Variants in HPSE2 observed in about 807,000 individuals in gnomAD.
The protein encoded by HPSE2 is inactive heparanase-2.
HPSE2 carries 38 observed loss-of-function variants against 60.5 expected under a neutral mutation model. That is an observed-to-expected ratio of 0.63 (90% CI 0.48 to 0.82). The LOEUF (loss-of-function observed/expected upper bound fraction) is 0.82, where lower values mean the gene tolerates loss of function less well. HPSE2 is among the 40% of genes least tolerant of loss of function. The probability of loss-of-function intolerance (pLI) is 0.00; values close to 1 mark genes in which losing one functional copy is unlikely to be tolerated. For synonymous variants in HPSE2, 295 were observed against 293.2 expected, an observed-to-expected ratio of 1.01 and a Z score of -0.06; for missense variants, 713 against 740.4, an observed-to-expected ratio of 0.96 and a Z score of 0.43.
the HPSE2 span, among the ~76,000 whole-genome samples, chr10:99,299,143 C>T: frequency 1.3e-5 from 2 of 152,140 alleles, no homozygotes; most frequent in African/African-American, 4.8e-5. Flanking sequence ...AGCCTCCCCC[C>T]TCCCCTAGTT....
At chr10:99,214,129 G>A (rs1018403374) in intron 2 of HPSE2, among the ~76,000 whole-genome samples, 5 of 152,064 alleles carry the variant, frequency 3.3e-5, no homozygotes, top group Non-Finnish European at 7.4e-5. Context: ...TAGCCATCGG[G>A]GAATAAAAAT....
intron 3 of HPSE2, among the ~76,000 whole-genome samples, chr10:99,075,022 T>C (rs1464260740): frequency 6.6e-6 from 1 of 152,134 alleles, no homozygotes; most frequent in Non-Finnish European, 1.5e-5. Flanking sequence ...GTTGGTCTCT[T>C]CTATTCTCTA....
At chr10:98,935,933 C>CA (rs1013445494) in intron 3 of HPSE2, among the ~76,000 whole-genome samples, 3 of 144,866 alleles carry the variant, frequency 2.1e-5, no homozygotes, top group Non-Finnish European at 3.0e-5. Context: ...TGCTCTGTCC[C>CA]AAGGAGATGT....
At chr10:99,140,049 GT>G (rs894295064) in intron 3 of HPSE2, among the ~76,000 whole-genome samples, 1 of 152,174 alleles carries the variant, frequency 6.6e-6, no homozygotes, top group East Asian at 1.9e-4. Flanking sequence ...TTTTCAAGGT[GT>G]TTTTTTAAAC....
chr10:98,585,296 G>C (rs1944908625), intron 9 of HPSE2, among the ~76,000 whole-genome samples: 1 of 149,238 alleles, frequency 6.7e-6, no homozygotes, highest in Non-Finnish European at 1.5e-5. Flanking sequence ...TTTTGAGATG[G>C]AATCTCACTC....
At chr10:99,236,013 AT>A (rs1488962518), upstream of HPSE2, among the ~76,000 whole-genome samples, 2 of 88,518 alleles carry the variant, frequency 2.3e-5, no homozygotes, top group African/African-American at 5.5e-5. Flanking sequence ...TTTTTTTTTA[AT>A]TTTTTTTAAT....
chr10:98,553,036 T>A (rs1943906570), intron 9 of HPSE2, among the ~76,000 whole-genome samples: 1 of 152,230 alleles, frequency 6.6e-6, no homozygotes, highest in African/African-American at 2.4e-5. Context: ...TAAAGCAGGA[T>A]ATAAATTATT....
At chr10:99,288,022 C>T in the HPSE2 span, among the ~76,000 whole-genome samples, 1 of 152,114 alleles carries the variant, frequency 6.6e-6, no homozygotes, top group African/African-American at 2.4e-5. Flanking sequence ...TTGAATTTTA[C>T]AGGTAGAACT....
intron 6 of HPSE2, among the ~76,000 whole-genome samples, chr10:98,684,871 A>G (rs1947873416): frequency 1.3e-5 from 2 of 152,152 alleles, no homozygotes; most frequent in African/African-American, 4.8e-5. Context: ...GATTCCCTAT[A>G]CTTCCTACAT....
intron 3 of HPSE2, among the ~76,000 whole-genome samples, chr10:99,003,605 T>C (rs1323011412): frequency 6.6e-6 from 1 of 152,164 alleles, no homozygotes; most frequent in Non-Finnish European, 1.5e-5. Flanking sequence ...CATTTTTGTA[T>C]GCCTGTTGGC....
At chr10:99,021,632 T>C (rs138543395) in intron 3 of HPSE2, among the ~76,000 whole-genome samples, 8 of 152,214 alleles carry the variant, frequency 5.3e-5, no homozygotes, top group African/African-American at 1.9e-4. Context: ...GTTTTAAGGA[T>C]TGATTAATTG....
At chr10:99,017,216 TA>T (rs1957163077) in intron 3 of HPSE2, among the ~76,000 whole-genome samples, 2 of 152,188 alleles carry the variant, frequency 1.3e-5, no homozygotes, top group African/African-American at 4.8e-5. Flanking sequence ...ATACCTAGTT[TA>T]TTGAGTTTTT....
the HPSE2 span, among the ~76,000 whole-genome samples, chr10:99,268,588 G>C: frequency 6.6e-6 from 1 of 150,846 alleles, no homozygotes; most frequent in South Asian, 2.1e-4. Context: ...AGAGGTTGCA[G>C]TGAGCCGAGA....
At chr10:98,534,708 T>C (rs1183115310) in intron 9 of HPSE2, among the ~76,000 whole-genome samples, 1 of 152,216 alleles carries the variant, frequency 6.6e-6, no homozygotes, top group Non-Finnish European at 1.5e-5. Flanking sequence ...CCCAGCCTAT[T>C]CATTAGTTTT....
At chr10:98,810,763 A>T (rs1054015439) in intron 3 of HPSE2, among the ~76,000 whole-genome samples, 1 of 69,756 alleles carries the variant, frequency 1.4e-5, no homozygotes, top group African/African-American at 3.6e-5. Context: ...GAACTAAAAA[A>T]AAAAAATAAA....
chr10:98,601,483 A>G (rs934761718), intron 9 of HPSE2, among the ~76,000 whole-genome samples: 5 of 152,186 alleles, frequency 3.3e-5, no homozygotes, highest in Non-Finnish European at 5.9e-5. Flanking sequence ...TGAGGGATGG[A>G]TTGTTGGGAG....
At chr10:98,664,658 G>A (rs1035674629) in intron 6 of HPSE2, among the ~76,000 whole-genome samples, 3 of 152,112 alleles carry the variant, frequency 2.0e-5, no homozygotes, top group African/African-American at 7.2e-5. Flanking sequence ...TCTACTGGAT[G>A]GTAATCCAAA....
intron 3 of HPSE2, among the ~76,000 whole-genome samples, chr10:98,927,034 G>A (rs983529300): frequency 2.8e-4 from 43 of 152,116 alleles, no homozygotes; most frequent in African/African-American, 8.5e-4. Flanking sequence ...TTCCAAGTAT[G>A]TGGCCAATTT....
rs370715757 is a variant in HPSE2 at position 98,706,836 on chromosome 10, G to A, written c.957-12889C>T. The stretch of plus-strand genomic sequence containing the variant: ...ACCCTGTGTTGCCTTTATAAGTCTG[G>A]CCTTTACCCTTAACAACAAGGTACA... On this transcript the variant is annotated intron_variant, in intron 5 of 11. Transcript: ENST00000370552. 3.0e-4 allele frequency among the ~76,000 whole-genome samples: 45 copies of A among 152,188 alleles called. No individual in the cohort carries two copies. In the East Asian group the frequency reaches 6.4e-3, roughly 22 times the overall value.
Sources: allele counts gnomAD v4.1 joint callset (sites outside exome capture counted in the v4.1 genomes callset), GRCh38; gene constraint gnomAD v4.1.1; transcripts MANE v1.5; gene names NCBI Gene and HGNC (gene_info 2026-07-23, HGNC 2026-07-21).